GABBR2: variants seen among roughly 807,000 people sequenced by gnomAD.
GABBR2 encodes the protein gamma-aminobutyric acid type B receptor subunit 2, also known as G-protein coupled receptor 51.
GABBR2 carries 23 observed loss-of-function variants against 105.6 expected under a neutral mutation model. The observed-to-expected ratio is 0.22, with a 90% confidence interval of 0.16 to 0.31. GABBR2 has a LOEUF of 0.31. GABBR2 is among the 10% of genes least tolerant of loss of function. The pLI is 1.00. For synonymous variants in GABBR2, 478 were observed against 499.7 expected, an observed-to-expected ratio of 0.96 and a Z score of 0.58; for missense variants, 734 against 1,245.5, an observed-to-expected ratio of 0.59 and a Z score of 6.18.
chr9:98,425,686 G>A (rs1461297499), intron 7 of GABBR2, among the ~76,000 whole-genome samples: 2 of 152,192 alleles, frequency 1.3e-5, no homozygotes, highest in African/African-American at 4.8e-5. Context: ...ACAAAAATGA[G>A]GCTCAGACAG....
intron 6 of GABBR2, among the ~76,000 whole-genome samples, chr9:98,455,369 G>A (rs1163306236): frequency 1.3e-5 from 2 of 152,154 alleles, no homozygotes; most frequent in East Asian, 1.9e-4. Context: ...TGCCAGAAAT[G>A]TCATCAGGGC....
Position 98,388,816 on chromosome 9 carries a change from A to T in GABBR2, c.1529+38T>A. Reference sequence around the variant, plus strand: ...ACTGTGTCCATAGGCTTGTCAATTTAGAAAGTGATATCACAGAGGAGGACC... The same window carrying T: ...ACTGTGTCCATAGGCTTGTCAATTTTGAAAGTGATATCACAGAGGAGGACC... On this transcript the variant is annotated intron_variant, in intron 10 of 18. Transcript: ENST00000259455. The surrounding 1 kb of genome is among the most constrained non-coding windows in gnomAD (Gnocchi z 4.4). 6.4e-7 allele frequency: 1 copy of T among 1,563,848 alleles called. No individual in the cohort carries two copies. Among genetic ancestry groups the T allele is most frequent in the Non-Finnish European group, 8.8e-7 (1 of 1,141,124 alleles).
chr9:98,555,067 T>G (rs1307132455), intron 2 of GABBR2, among the ~76,000 whole-genome samples: 1 of 152,156 alleles, frequency 6.6e-6, no homozygotes, highest in African/African-American at 2.4e-5. Flanking sequence ...AGGGCTGTCG[T>G]GAGGGTTGGA....
Position 98,488,483 on chromosome 9 carries a change from C to T in GABBR2, c.733-7486G>A, listed in dbSNP as rs375095597. Among the ~76,000 whole-genome samples the T allele has an allele frequency of 2.6e-5, 4 of 152,124 alleles. No individual in the cohort carries two copies. In the East Asian group the frequency reaches 7.7e-4, roughly 29 times the overall value. ...CAAACATGGCTCTAAATGGCACAGA[C>T]ATATTTTCTTTTCCTTTTTTAAGAG... On this transcript the variant is annotated intron_variant, in intron 4 of 18. Transcript: ENST00000259455.
chr9:98,383,422 G>C (rs892047273), intron 11 of GABBR2, among the ~76,000 whole-genome samples: 4 of 152,206 alleles, frequency 2.6e-5, no homozygotes, highest in African/African-American at 9.6e-5. Flanking sequence ...ATGCCAGAAG[G>C]CCATACTCTT....
intron 15 of GABBR2, 25 bp from the exon 16 acceptor site, chr9:98,303,448 G>A (rs748118764): frequency 1.2e-5 from 19 of 1,606,298 alleles, no homozygotes; most frequent in Admixed American, 3.4e-5. Flanking sequence ...GTTGGGGCGG[G>A]GTTGAAGAGA....
At chr9:98,447,455 G>T (rs1191163911) in intron 7 of GABBR2, among the ~76,000 whole-genome samples, 1 of 151,938 alleles carries the variant, frequency 6.6e-6, no homozygotes, top group Non-Finnish European at 1.5e-5. Flanking sequence ...CTCTACATTG[G>T]AAAGTAAAAC....
chr9:98,512,696 A>C (rs1451510812), intron 3 of GABBR2, among the ~76,000 whole-genome samples: 1 of 151,830 alleles, frequency 6.6e-6, no homozygotes, highest in African/African-American at 2.4e-5. Context: ...TCCAACTTAC[A>C]AGGGATGTGA....
At chr9:98,664,549 G>T (rs958356933) in intron 1 of GABBR2, among the ~76,000 whole-genome samples, 2 of 152,304 alleles carry the variant, frequency 1.3e-5, no homozygotes, top group East Asian at 3.9e-4. Flanking sequence ...CTAATGGCAG[G>T]ATACATTTAT....
chr9:98,430,786 G>T (rs1825794396), intron 7 of GABBR2, among the ~76,000 whole-genome samples: 1 of 151,884 alleles, frequency 6.6e-6, no homozygotes, highest in African/African-American at 2.4e-5. Flanking sequence ...GCTCTGTTTG[G>T]GTTCCCCCTT....
chr9:98,597,086 C>G (rs1829247619), intron 1 of GABBR2, among the ~76,000 whole-genome samples: 1 of 152,078 alleles, frequency 6.6e-6, no homozygotes, highest in African/African-American at 2.4e-5. Flanking sequence ...ACAAGGGATC[C>G]CAGGGGTTGT....
chr9:98,680,508 ACC>A (rs1426022181), intron 1 of GABBR2, among the ~76,000 whole-genome samples: 1 of 152,006 alleles, frequency 6.6e-6, no homozygotes, highest in East Asian at 1.9e-4. Flanking sequence ...ACGGGGTTTC[ACC>A]GTGTTAGCCA....
chr9:98,559,975 A>AACACACACAC (rs3029105), intron 2 of GABBR2, among the ~76,000 whole-genome samples: 1 of 150,264 alleles, frequency 6.7e-6, no homozygotes, highest in Admixed American at 6.6e-5. Context: ...ATGAGGAACA[A>AACACACACAC]ACACACACAC....
intron 12 of GABBR2, among the ~76,000 whole-genome samples, chr9:98,368,915 C>T (rs1360067248): frequency 2.0e-5 from 3 of 152,198 alleles, no homozygotes; most frequent in Non-Finnish European, 2.9e-5. Context: ...AGGGTCAGGG[C>T]GGGGCCCAGG....
At chr9:98,385,599 A>G in intron 11 of GABBR2, 41 bp downstream of exon 11, 1 of 1,575,552 alleles carries the variant, frequency 6.3e-7, no homozygotes. Context: ...CACCAAGGAA[A>G]CTTTCTATCA....
chr9:98,311,459 G>A (rs1830635666), intron 13 of GABBR2, among the ~76,000 whole-genome samples: 1 of 152,206 alleles, frequency 6.6e-6, no homozygotes, highest in Admixed American at 6.5e-5. Flanking sequence ...TCCAATTTGA[G>A]TCAGAGCTCC....
intron 3 of GABBR2, among the ~76,000 whole-genome samples, chr9:98,509,368 C>T (rs1171627841): frequency 6.6e-6 from 1 of 152,176 alleles, no homozygotes; most frequent in Non-Finnish European, 1.5e-5. Flanking sequence ...AGCACCTCTC[C>T]TCCTCCAAAG....
intron 7 of GABBR2, among the ~76,000 whole-genome samples, chr9:98,419,663 A>G (rs1054230881): frequency 6.6e-6 from 1 of 152,176 alleles, no homozygotes. Context: ...TGCTGCTCCA[A>G]TTACTTTCTC....
chr9:98,539,497 GC>G (rs956443614), intron 3 of GABBR2, among the ~76,000 whole-genome samples: 1 of 152,180 alleles, frequency 6.6e-6, no homozygotes, highest in African/African-American at 2.4e-5. Context: ...CTTCAGAGGT[GC>G]CTTGAAACCT....
Sources: allele counts gnomAD v4.1 joint callset (sites outside exome capture counted in the v4.1 genomes callset), GRCh38; gene constraint gnomAD v4.1.1; non-coding constraint Gnocchi (gnomAD v3.1); transcripts MANE v1.5; gene names NCBI Gene and HGNC (gene_info 2026-07-23, HGNC 2026-07-21).